FOXP2: variants seen among roughly 807,000 people sequenced by gnomAD.
The protein encoded by FOXP2 is forkhead box P2.
Under a neutral mutation model 115.8 loss-of-function variants are expected in FOXP2, and 12 were observed. The observed-to-expected ratio is 0.10, with a 90% CI of 0.07 to 0.17. The LOEUF is 0.17. Ranked by LOEUF, FOXP2 falls within the 10% of genes least tolerant of loss-of-function variation. The probability of loss-of-function intolerance (pLI) is 1.00; values close to 1 mark genes in which losing one functional copy is unlikely to be tolerated. For missense variants in FOXP2, 629 were observed against 843.5 expected (o/e 0.75, Z 3.15); for synonymous variants, 328 against 297.7 (o/e 1.10, Z -1.05).
chr7:114,570,753 C>CA, intron 3 of FOXP2: 2 of 1,314,098 alleles, frequency 1.5e-6, no homozygotes, highest in Non-Finnish European at 2.2e-6. Context: ...GTTATTAGCA[C>CA]AAGCCTTAAG....
intron 1 of FOXP2, among the ~76,000 whole-genome samples, chr7:114,271,872 A>G (rs1419302107): frequency 1.8e-4 from 22 of 125,706 alleles, no homozygotes; most frequent in Admixed American, 3.6e-4. Context: ...ACATTATAAT[A>G]TGATTATTAA....
At position 114,630,350 on chromosome 7, in the gene FOXP2, A is replaced by G. The variant is rs1006776938; in HGVS notation, c.597+345A>G. Among the ~76,000 whole-genome samples the G allele has an allele frequency of 2.0e-5, 3 of 152,108 alleles. No individual in the cohort carries two copies. In the East Asian group the frequency reaches 5.8e-4, roughly 29 times the overall value. Reference sequence around the variant, plus strand: ...TTTTCTCAGTGGTGCAGCTCAGAGAACATGCATGCAAATTTGGCCTATTGT... The same window carrying G: ...TTTTCTCAGTGGTGCAGCTCAGAGAGCATGCATGCAAATTTGGCCTATTGT... On this transcript the variant is annotated intron_variant, in intron 5 of 16. Coordinates refer to ENST00000350908, the MANE Select transcript of FOXP2 (RefSeq NM_014491.4).
At chr7:114,148,677 A>G (rs915664271) in intron 1 of FOXP2, among the ~76,000 whole-genome samples, 3 of 152,206 alleles carry the variant, frequency 2.0e-5, no homozygotes, top group African/African-American at 4.8e-5. Flanking sequence ...GCTTTCCTGT[A>G]TATTCACTAT....
chr7:114,679,554 A>G (rs1170852116), intron 16 of FOXP2, among the ~76,000 whole-genome samples: 1 of 152,074 alleles, frequency 6.6e-6, no homozygotes, highest in African/African-American at 2.4e-5. Context: ...ATGAAATGCA[A>G]CTCAAAGGCC....
In FOXP2 at chr7:114,294,510, AG is replaced by A. The variant is rs111843002; in HGVS notation, c.-11+6402del. Among the ~76,000 whole-genome samples the A allele has an allele frequency of 1.4e-3, 209 of 152,298 alleles. 1 individual carries two copies. The highest frequency in any genetic ancestry group is 4.7e-3 in the African/African-American group (196 of 41,562). ...TGGTTTCCAGAAAAGTGAATTGAAA[AG>A]TATGTATCAGCAAGTAATAGAACAA... On this transcript the variant is annotated intron_variant, in intron 2 of 17. Transcript: ENST00000634411.
chr7:114,212,119 T>TAA lies in FOXP2; in HGVS notation c.-102+49034_-102+49035dup, dbSNP rs368102870. Reference sequence around the variant, plus strand: ...TAAAATAAAATAAAATAAAATAAAATAAAATATATATATATATTCTTTGTT... The same window carrying TAA: ...TAAAATAAAATAAAATAAAATAAAATAAAAAATATATATATATATTCTTTGTT... On this transcript the variant is annotated intron_variant, in intron 1 of 17. Transcript: ENST00000634411. 3.5e-4 allele frequency among the ~76,000 whole-genome samples: 17 copies of TAA among 48,370 alleles called. No homozygotes were observed. The South Asian group carries it at 5.2e-3, about 15-fold the overall frequency. The allele number at this position is 48,370 out of a possible 152,430, so 31.7% of individuals were successfully genotyped here. A position where few individuals can be genotyped will look rare whatever the true frequency, so the allele number is the denominator to read the frequency against.
At chr7:114,525,364 A>C (rs1374360092) in intron 2 of FOXP2, among the ~76,000 whole-genome samples, 1 of 152,200 alleles carries the variant, frequency 6.6e-6, no homozygotes, top group African/African-American at 2.4e-5. Context: ...TGTGAAGTTA[A>C]GTATTACTAG....
At chr7:114,290,633 C>T (rs1322437781) in intron 2 of FOXP2, among the ~76,000 whole-genome samples, 2 of 151,996 alleles carry the variant, frequency 1.3e-5, no homozygotes, top group Non-Finnish European at 2.9e-5. Flanking sequence ...GCAGTTCAGA[C>T]AGATAGTGTA....
At chr7:114,155,039 A>G (rs745700661) in intron 1 of FOXP2, among the ~76,000 whole-genome samples, 2 of 152,120 alleles carry the variant, frequency 1.3e-5, no homozygotes, top group Non-Finnish European at 2.9e-5. Context: ...TAAGTATTCC[A>G]TTTTCTAAAA....
intron 2 of FOXP2, among the ~76,000 whole-genome samples, chr7:114,461,316 C>A (rs1795549564): frequency 6.6e-6 from 1 of 152,150 alleles, no homozygotes; most frequent in African/African-American, 2.4e-5. Context: ...TGTCTGATCA[C>A]ATAAGAGTTT....
At chr7:114,457,112 A>G (rs1384115533) in intron 2 of FOXP2, among the ~76,000 whole-genome samples, 1 of 152,148 alleles carries the variant, frequency 6.6e-6, no homozygotes, top group Non-Finnish European at 1.5e-5. Flanking sequence ...TCTAGTTATA[A>G]TACCCACCAT....
chr7:114,100,424 C>G (rs891616686), intron 1 of FOXP2, among the ~76,000 whole-genome samples: 2 of 152,144 alleles, frequency 1.3e-5, no homozygotes, highest in Non-Finnish European at 2.9e-5. Context: ...TTTTCTCTAA[C>G]AGATGTGTCA....
chr7:114,200,312 C>A (rs574780054), intron 1 of FOXP2, among the ~76,000 whole-genome samples: 1 of 152,006 alleles, frequency 6.6e-6, no homozygotes, highest in Non-Finnish European at 1.5e-5. Context: ...TCTTTCCAAT[C>A]TTTTTTTTGA....
At chr7:114,098,816 A>C (rs1294208271) in intron 1 of FOXP2, among the ~76,000 whole-genome samples, 1 of 152,196 alleles carries the variant, frequency 6.6e-6, no homozygotes, top group East Asian at 1.9e-4. Context: ...TCTCTGGTAA[A>C]AGGTTAATAT....
chr7:114,252,453 A>G (rs989810188), intron 1 of FOXP2, among the ~76,000 whole-genome samples: 2 of 152,100 alleles, frequency 1.3e-5, no homozygotes, highest in East Asian at 1.9e-4. Context: ...GCTATTAATT[A>G]TTGCCTCAAT....
chr7:114,639,370 C>T (rs1448325136), intron 6 of FOXP2, among the ~76,000 whole-genome samples: 1 of 152,104 alleles, frequency 6.6e-6, no homozygotes, highest in Non-Finnish European at 1.5e-5. Context: ...TTATTGAGCA[C>T]ATGCCACGCA....
At position 114,207,552 on chromosome 7, in the gene FOXP2, A is replaced by G. The variant is rs1229060559; in HGVS notation, c.-102+44464A>G. Among the ~76,000 whole-genome samples, 3 of 152,208 alleles carry G rather than the reference A, an allele frequency of 2.0e-5. No homozygotes were observed. The East Asian group carries it at 5.8e-4, about 29-fold the overall frequency. On this transcript the variant is annotated intron_variant, in intron 1 of 17. Transcript: ENST00000634411. Reference sequence around the variant, plus strand: ...TATAAGGCAAATTCTTACTTGAATAATATTCACAATAATTTAGTAATGCCT... The same window carrying G: ...TATAAGGCAAATTCTTACTTGAATAGTATTCACAATAATTTAGTAATGCCT...
chr7:114,319,685 A>G (rs564744096), intron 2 of FOXP2, among the ~76,000 whole-genome samples: 59 of 152,244 alleles, frequency 3.9e-4, no homozygotes, highest in African/African-American at 7.9e-4. Context: ...CCCACAACAC[A>G]TGGGAATTAT....
At chr7:114,380,720 T>G (rs930381653) in intron 2 of FOXP2, among the ~76,000 whole-genome samples, 1 of 152,192 alleles carries the variant, frequency 6.6e-6, no homozygotes, top group Non-Finnish European at 1.5e-5. Context: ...TAGCAGTGAG[T>G]ATGTCATTCA....
Sources: gnomAD v4.1 joint callset for allele counts (sites outside exome capture counted in the v4.1 genomes callset) on GRCh38, gnomAD v4.1.1 for gene constraint, MANE v1.5 for transcripts, NCBI Gene and HGNC (gene_info 2026-07-23, HGNC 2026-07-21) for gene names.